Variants in PHF3 observed in about 807,000 individuals in gnomAD.
PHF3 encodes PHD finger protein 3.
PHF3 carries 41 observed loss-of-function variants against 178.4 expected under a neutral mutation model. That is an observed-to-expected ratio of 0.23 (90% confidence interval 0.18 to 0.30). The LOEUF (loss-of-function observed/expected upper bound fraction) is 0.30. Among genes scored for constraint, PHF3 ranks in the 10% least tolerant of loss-of-function variants. PHF3 has a pLI of 1.00. For synonymous variants in PHF3, 842 were observed against 800.5 expected (o/e 1.05, Z -0.88); for missense variants, 2,346 against 2,398.1 (o/e 0.98, Z 0.45).
chr6:63,706,094 C>A lies in PHF3; in HGVS notation c.3433C>A (p.Arg1145Ser), dbSNP rs746692332. ...KKVKVVVGVA[R>S]KHSDNEAESI... The stretch of plus-strand genomic sequence containing the variant: ...AGTAAAAGTTGTTGTAGGAGTAGCT[C>A]GCAAACATTCAGACAATGAAGCAGA... The change falls in exon 12 of 16, where the codon CGC becomes AGC. Residue 1145 changes from arginine (R) to serine (S), a missense_variant. Transcript: ENST00000262043. 7 of 1,613,844 alleles carry A rather than the reference C, an allele frequency of 4.3e-6. No homozygotes were observed. The highest frequency in any genetic ancestry group is 5.9e-6 in the Non-Finnish European group (7 of 1,179,904).
In PHF3 at chr6:63,718,451, AATG is replaced by A. The variant is rs1394980913; in HGVS notation, c.*4746_*4748del. Among the ~76,000 whole-genome samples, 2 of 152,046 alleles carry A rather than the reference AATG, an allele frequency of 1.3e-5. No homozygotes were observed. The highest frequency in any genetic ancestry group is 2.9e-5 in the Non-Finnish European group (2 of 67,948). ...ATGATAAACGTTAAAAATATTTGTT[AATG>A]ATAATCTCATCTGTTAATGTAACAT... On this transcript the variant is annotated 3_prime_UTR_variant, in exon 16 of 16. Coordinates refer to ENST00000262043, the MANE Select transcript of PHF3 (RefSeq NM_001370348.2).
intron 3 of PHF3, among the ~76,000 whole-genome samples, chr6:63,683,037 T>C (rs1409837372): frequency 1.3e-5 from 2 of 152,102 alleles, no homozygotes; most frequent in Non-Finnish European, 2.9e-5. Flanking sequence ...ATGTGATAAA[T>C]AGTTCATAAC....
intron 2 of PHF3, among the ~76,000 whole-genome samples, chr6:63,666,811 G>A (rs1008845582): frequency 6.6e-6 from 1 of 151,186 alleles, no homozygotes; most frequent in African/African-American, 2.4e-5. Flanking sequence ...GAGTGCAGTG[G>A]TGTAATCTCA....
At position 63,713,705 on chromosome 6, in the gene PHF3, G is replaced by T; in HGVS notation, c.6117G>T (p.Arg2039Ser). The stretch of plus-strand genomic sequence containing the variant: ...ACACTGACAGAACTAAAAGCAAAAG[G>T]TAAAATTTGCAGGCTGCTTCAGGAT... The part of the protein sequence containing the change: ...RDHTDRTKSK[R>S] The change falls in exon 16 of 16, where the codon AGG (arginine) becomes AGT (serine). Residue 2039 changes from arginine (R) to serine (S), a missense_variant. Arg to Ser is a moderately radical substitution (Grantham distance 110). This residue lies in a region of PHF3 where 839 missense variants were observed against 806.9 expected (regional missense o/e 1.04). Transcript: ENST00000262043. 1 of 1,549,180 alleles carries T rather than the reference G, an allele frequency of 6.5e-7. No homozygotes were observed. Among genetic ancestry groups the T allele is most frequent in the Non-Finnish European group, 8.7e-7 (1 of 1,155,066 alleles).
chr6:63,697,135 G>T (rs1020808605), intron 6 of PHF3, among the ~76,000 whole-genome samples: 9 of 152,290 alleles, frequency 5.9e-5, no homozygotes, highest in Admixed American at 5.2e-4. Context: ...GGGAAGACAA[G>T]AGGGGATGGG....
In PHF3 at chr6:63,720,278, T is replaced by A; in HGVS notation, c.*6570T>A. On this transcript the variant is annotated 3_prime_UTR_variant, in exon 16 of 16. Coordinates refer to ENST00000262043, the MANE Select transcript of PHF3 (RefSeq NM_001370348.2). ...ACACATTGATTTTTAAAATTGTGTTTACACGTTGATTTTAAAATGTAAGCA... is the reference window on the plus strand; with the variant it reads ...ACACATTGATTTTTAAAATTGTGTTAACACGTTGATTTTAAAATGTAAGCA... The A allele has an allele frequency of 2.8e-6, 1 of 359,456 alleles. No individual in the cohort carries two copies. The highest frequency in any genetic ancestry group is 3.9e-5 in the East Asian group (1 of 25,634). The allele number at this position is 359,456 out of a possible 1,614,324, so 22.3% of individuals were successfully genotyped here.
At position 63,706,066 on chromosome 6, in the gene PHF3, A is replaced by G; in HGVS notation, c.3405A>G (p.Lys1135=). The change falls in exon 12 of 16, where the codon AAA becomes AAG. Residue 1135 remains lysine (K), a synonymous_variant. Transcript: ENST00000262043. ...CACCTGTAGATGATCTTTCTCCAAAAAAAGTAAAAGTTGTTGTAGGAGTAG... is the reference window on the plus strand; with the variant it reads ...CACCTGTAGATGATCTTTCTCCAAAGAAAGTAAAAGTTGTTGTAGGAGTAG... ...MAPPVDDLSP[K]KVKVVVGVAR... is the part of the protein sequence containing the mutation. 6.2e-7 allele frequency: 1 copy of G among 1,613,714 alleles called. No homozygotes were observed. Among genetic ancestry groups the G allele is most frequent in the Middle Eastern group, 1.6e-4 (1 of 6,062 alleles).
At chr6:63,660,149 C>T (rs979915852) in intron 2 of PHF3, among the ~76,000 whole-genome samples, 2 of 151,612 alleles carry the variant, frequency 1.3e-5, no homozygotes, top group Non-Finnish European at 2.9e-5. Flanking sequence ...TGTGAGTGCC[C>T]AAAATGGCGC....
intron 2 of PHF3, among the ~76,000 whole-genome samples, chr6:63,653,104 A>C (rs1464863454): frequency 1.2e-5 from 1 of 86,868 alleles, no homozygotes; most frequent in African/African-American, 4.7e-5. Flanking sequence ...AAATAATGTT[A>C]CTGGTATTTT....
In PHF3 at chr6:63,684,399, T is replaced by A. The variant is rs1766580257; in HGVS notation, c.677T>A (p.Leu226His). 6.2e-7 allele frequency: 1 copy of A among 1,613,962 alleles called. No individual in the cohort carries two copies. The highest frequency in any genetic ancestry group is 8.5e-7 in the Non-Finnish European group (1 of 1,179,924). The change falls in exon 4 of 16, where the codon CTT becomes CAT. Residue 226 changes from leucine to histidine, a missense_variant. Physicochemically the swap from Leu to His is moderately conservative, Grantham distance 99. Coordinates refer to ENST00000262043, the MANE Select transcript of PHF3 (RefSeq NM_001370348.2). ...SSSHSSVSSC[L>H]EMKDEDGLDS... is the part of the protein sequence containing the mutation. ...AGTCATTCTTCAGTGTCATCTTGTC[T>A]TGAAATGAAGGATGAAGATGGATTA...
chr6:63,667,404 C>T (rs1017773883), intron 2 of PHF3, among the ~76,000 whole-genome samples: 3 of 152,100 alleles, frequency 2.0e-5, no homozygotes, highest in Non-Finnish European at 4.4e-5. Flanking sequence ...CACATTTAGT[C>T]ATCACCAATA....
At chr6:63,703,414 C>A (rs1767560603) in intron 10 of PHF3, 122 bp from the exon 11 acceptor site, 2 of 1,017,074 alleles carry the variant, frequency 2.0e-6, no homozygotes, top group Non-Finnish European at 2.8e-6. Context: ...AAACAAAAAT[C>A]AAAAACTTAT....
chr6:63,638,912 T>C (rs542475693), intron 1 of PHF3, among the ~76,000 whole-genome samples: 1 of 152,270 alleles, frequency 6.6e-6, no homozygotes, highest in South Asian at 2.1e-4. Context: ...GGAAAGATAT[T>C]GAGAGTATTG....
intron 1 of PHF3, among the ~76,000 whole-genome samples, chr6:63,645,819 C>A (rs1167405077): frequency 6.6e-6 from 1 of 152,090 alleles, no homozygotes; most frequent in Non-Finnish European, 1.5e-5. Context: ...TAAAATAAAT[C>A]TAAATACATG....
At chr6:63,650,736 C>G (rs1295072077) in intron 2 of PHF3, among the ~76,000 whole-genome samples, 2 of 152,046 alleles carry the variant, frequency 1.3e-5, no homozygotes, top group African/African-American at 4.8e-5. Context: ...TGCACTTGTT[C>G]TGGAAAAAAG....
Position 63,684,988 on chromosome 6 carries a change from G to A in PHF3, c.1266G>A (p.Glu422=). The change falls in exon 4 of 16, where the codon GAG becomes GAA. Residue 422 remains glutamate, a synonymous_variant. Transcript: ENST00000262043. ...ESTEFNKSNL[E]VVDTSTFGPE... ...CTGAGTTTAATAAATCAAACTTAGA[G>A]GTGGTTGATACTAGTACTTTTGGAC... The A allele has an allele frequency of 6.2e-7, 1 of 1,614,044 alleles. No individual in the cohort carries two copies. Among genetic ancestry groups the A allele is most frequent in the Non-Finnish European group, 8.5e-7 (1 of 1,179,954 alleles).
chr6:63,722,282 A>G lies in PHF3; in HGVS notation c.*8574A>G, dbSNP rs1037928022. On this transcript the variant is annotated 3_prime_UTR_variant, in exon 16 of 16. Transcript: ENST00000262043. ...GGATTTCATTCGCCTGTTTTCTAGG[A>G]ACACTCCGCCACCCCATTCCACCTC... is the stretch of plus-strand genomic sequence containing the variant. 6.6e-6 allele frequency among the ~76,000 whole-genome samples: 1 copy of G among 152,068 alleles called. No homozygotes were observed. Among genetic ancestry groups the G allele is most frequent in the African/African-American group, 2.4e-5 (1 of 41,398 alleles).
At position 63,712,042 on chromosome 6, in the gene PHF3, A is replaced by G. The variant is rs1039743893; in HGVS notation, c.4454A>G (p.Gln1485Arg). ...ACTGGTCAAGTATATGACCAGGCCC[A>G]GTCAGTGATGGAACAAAACACTGTT... The part of the protein sequence containing the change: ...GTTGQVYDQA[Q>R]SVMEQNTVKE... The change falls in exon 16 of 16, where the codon CAG becomes CGG. Residue 1485 changes from glutamine to arginine, a missense_variant. By Grantham distance (43) the Gln-to-Arg change is conservative. Transcript: ENST00000262043. 6.2e-6 allele frequency: 10 copies of G among 1,613,712 alleles called. No individual in the cohort carries two copies. The highest frequency in any genetic ancestry group is 8.5e-6 in the Non-Finnish European group (10 of 1,179,938).
chr6:63,670,209 C>G (rs1314915860), intron 2 of PHF3, among the ~76,000 whole-genome samples: 1 of 152,178 alleles, frequency 6.6e-6, no homozygotes, highest in Non-Finnish European at 1.5e-5. Context: ...CATCCTAATT[C>G]TGACTTCTGC....
Sources: allele counts gnomAD v4.1 joint callset (sites outside exome capture counted in the v4.1 genomes callset), GRCh38; gene constraint gnomAD v4.1.1; regional missense constraint gnomAD v4.1.1; transcripts MANE v1.5; gene names NCBI Gene and HGNC (gene_info 2026-07-23, HGNC 2026-07-21).